Variants in UBE2E1 observed in about 807,000 individuals in gnomAD.
The protein encoded by UBE2E1 is ubiquitin-conjugating enzyme E2 E1.
A neutral mutation model predicts 21.4 loss-of-function variants in UBE2E1; 6 were observed. The ratio of observed to expected loss-of-function variants is 0.28; its 90% CI spans 0.15 to 0.55. The LOEUF (loss-of-function observed/expected upper bound fraction) is 0.55. UBE2E1 is among the 20% of genes least tolerant of loss of function. The probability of loss-of-function intolerance (pLI) is 0.93; values close to 1 mark genes in which losing one functional copy is unlikely to be tolerated. For missense variants in UBE2E1, 142 were observed against 236.5 expected, an observed-to-expected ratio of 0.60 and a Z score of 2.62; for synonymous variants, 87 against 82.7, an observed-to-expected ratio of 1.05 and a Z score of -0.28.
intron 3 of UBE2E1, among the ~76,000 whole-genome samples, chr3:23,877,659 G>GT (rs1700944242): frequency 6.6e-6 from 1 of 152,090 alleles, no homozygotes; most frequent in Non-Finnish European, 1.5e-5. Context: ...AAATATGGGT[G>GT]TTTGGGGGGG....
chr3:23,849,209 A>G (rs1006630251), intron 3 of UBE2E1, among the ~76,000 whole-genome samples: 5 of 152,040 alleles, frequency 3.3e-5, no homozygotes, highest in Admixed American at 6.6e-5. Context: ...TCCTAAGTGC[A>G]TTGTTTTACA....
chr3:23,882,815 G>A (rs146268214), intron 3 of UBE2E1, among the ~76,000 whole-genome samples: 1,916 of 152,334 alleles, frequency 0.013, 47 homozygotes, highest in African/African-American at 0.044. Context: ...CAGTGGCGCC[G>A]GCCGGCTGCT....
At chr3:23,846,740 A>T (rs1700213412) in intron 3 of UBE2E1, among the ~76,000 whole-genome samples, 1 of 151,192 alleles carries the variant, frequency 6.6e-6, no homozygotes, top group African/African-American at 2.4e-5. Flanking sequence ...ATAGAGATGG[A>T]AAATGGAATG....
intron 2 of UBE2E1, 71 bp downstream of exon 2, chr3:23,807,492 C>G (rs1699303463): frequency 5.1e-6 from 8 of 1,567,522 alleles, no homozygotes; most frequent in Non-Finnish European, 6.9e-6. Flanking sequence ...TGGTCTGCCT[C>G]CCAATGAGGA....
chr3:23,846,214 G>C (rs1428578689), intron 3 of UBE2E1, among the ~76,000 whole-genome samples: 1 of 152,202 alleles, frequency 6.6e-6, no homozygotes, highest in Non-Finnish European at 1.5e-5. Flanking sequence ...CTAGTTTAAG[G>C]TAAATGTAAT....
At chr3:23,847,725 G>C (rs1383793528) in intron 3 of UBE2E1, among the ~76,000 whole-genome samples, 1 of 151,876 alleles carries the variant, frequency 6.6e-6, no homozygotes, top group Non-Finnish European at 1.5e-5. Flanking sequence ...TCGATCTTCT[G>C]ACCTCGTGAT....
intron 3 of UBE2E1, among the ~76,000 whole-genome samples, chr3:23,855,238 G>C (rs73825116): frequency 0.17 from 25,718 of 151,964 alleles, 2,312 homozygotes; most frequent in Non-Finnish European, 0.2. Flanking sequence ...ACCTTCTCTA[G>C]GAAACACTTC....
At chr3:23,815,088 C>T (rs934568453) in intron 3 of UBE2E1, among the ~76,000 whole-genome samples, 8 of 152,152 alleles carry the variant, frequency 5.3e-5, no homozygotes, top group African/African-American at 1.9e-4. Context: ...TTAAGCTGTC[C>T]TCCTGCTTCA....
Position 23,876,928 on chromosome 3 carries a change from T to C in UBE2E1, c.204-10639T>C, listed in dbSNP as rs1700926975. Among the ~76,000 whole-genome samples the C allele has an allele frequency of 1.3e-5, 2 of 152,112 alleles. No homozygotes were observed. Among genetic ancestry groups the C allele is most frequent in the African/African-American group, 4.8e-5 (2 of 41,408 alleles). ...GTGTGGTGATGCACGCCTGTAATCC[T>C]AGCAACTCAGGAGGCTGAGATGGAA... On this transcript the variant is annotated intron_variant, in intron 3 of 5. Coordinates refer to ENST00000306627, the MANE Select transcript of UBE2E1 (RefSeq NM_003341.5). The surrounding 1 kb of genome is among the most constrained non-coding windows in gnomAD (Gnocchi z 4.3).
chr3:23,855,556 G>A (rs905296766), intron 3 of UBE2E1, among the ~76,000 whole-genome samples: 20 of 152,096 alleles, frequency 1.3e-4, no homozygotes, highest in African/African-American at 3.4e-4. Flanking sequence ...TAGGCCGGGC[G>A]CGGTGGCTCA....
rs1003279861 is a variant in UBE2E1, at chr3:23,816,335, A to G, written c.203+4825A>G. ...ATGAGTGGATAAACAAAATTTGGTT[A>G]ATCTATAAACTGGAATATTCATCTA... On this transcript the variant is annotated intron_variant, in intron 3 of 5. Transcript: ENST00000306627. This position sits in a 1 kb window ranked among gnomAD's most constrained non-coding sequence, Gnocchi z 4.8. Among the ~76,000 whole-genome samples the G allele has an allele frequency of 1.3e-5, 2 of 152,202 alleles. No homozygotes were observed. Among genetic ancestry groups the G allele is most frequent in the Admixed American group, 6.5e-5 (1 of 15,280 alleles).
At chr3:23,830,936 A>G (rs993004964) in intron 3 of UBE2E1, among the ~76,000 whole-genome samples, 2 of 152,222 alleles carry the variant, frequency 1.3e-5, no homozygotes, top group African/African-American at 4.8e-5. Flanking sequence ...GTTGGTGGTC[A>G]TGTAATCCCA....
chr3:23,821,253 G>A (rs1461797764), intron 3 of UBE2E1, among the ~76,000 whole-genome samples: 1 of 152,170 alleles, frequency 6.6e-6, no homozygotes, highest in African/African-American at 2.4e-5. Flanking sequence ...TAATTGGGGA[G>A]GGTGTGAGGG....
chr3:23,813,601 G>A (rs1299997955), intron 3 of UBE2E1, among the ~76,000 whole-genome samples: 4 of 152,108 alleles, frequency 2.6e-5, no homozygotes, highest in Admixed American at 1.3e-4. Context: ...GGAGTGCAGT[G>A]GCATGATTTC....
chr3:23,811,378 C>A, intron 2 of UBE2E1, 82 bp from the exon 3 acceptor site: 1 of 1,347,936 alleles, frequency 7.4e-7, no homozygotes. Context: ...TTAGGTTTAT[C>A]TGCAGACCTG....
intron 3 of UBE2E1, among the ~76,000 whole-genome samples, chr3:23,813,583 C>A (rs541499559): frequency 3.2e-4 from 49 of 152,110 alleles, no homozygotes; most frequent in African/African-American, 1.2e-3. Context: ...TGCTCTGTAG[C>A]CCAGGCTGGA....
chr3:23,861,843 A>G (rs1019360314), intron 3 of UBE2E1, among the ~76,000 whole-genome samples: 2 of 152,322 alleles, frequency 1.3e-5, no homozygotes, highest in East Asian at 3.9e-4. Flanking sequence ...GCTTCCACTC[A>G]ATAAAACCTC....
chr3:23,852,978 A>T (rs1344132077), intron 3 of UBE2E1, among the ~76,000 whole-genome samples: 1 of 151,176 alleles, frequency 6.6e-6, no homozygotes, highest in African/African-American at 2.4e-5. Context: ...ATGCAATGGC[A>T]TGATCTCGGC....
intron 3 of UBE2E1, among the ~76,000 whole-genome samples, chr3:23,874,151 G>A (rs1700865150): frequency 6.6e-6 from 1 of 152,202 alleles, no homozygotes; most frequent in South Asian, 2.1e-4. Flanking sequence ...GAGTGTAATG[G>A]GAGACCTTTA....
Sources: allele counts gnomAD v4.1 joint callset (sites outside exome capture counted in the v4.1 genomes callset), GRCh38; gene constraint gnomAD v4.1.1; non-coding constraint Gnocchi (gnomAD v3.1); transcripts MANE v1.5; gene names NCBI Gene and HGNC (gene_info 2026-07-23, HGNC 2026-07-21).